The following CFAP299 variants were observed in gnomAD, a reference collection of about 807,000 sequenced individuals.
CFAP299 encodes cilia and flagella associated protein 299.
Under a neutral mutation model 27.0 loss-of-function variants are expected in CFAP299, and 21 were observed. The observed-to-expected ratio is 0.78, with a 90% CI of 0.55 to 1.12. CFAP299 has a LOEUF of 1.12. Among genes scored for constraint, CFAP299 ranks in the 50% most tolerant of loss-of-function variants. The pLI, the probability that CFAP299 is intolerant of heterozygous loss-of-function variation, is 0.00. For missense variants in CFAP299, 310 were observed against 276.6 expected (o/e 1.12, Z -0.86); for synonymous variants, 104 against 98.1 (o/e 1.06, Z -0.36).
chr4:80,933,263 A>G (rs528757998), intron 4 of CFAP299, among the ~76,000 whole-genome samples: 1 of 151,950 alleles, frequency 6.6e-6, no homozygotes, highest in Non-Finnish European at 1.5e-5. Flanking sequence ...TTAGATCACC[A>G]ATCACGTATT....
intron 3 of CFAP299, among the ~76,000 whole-genome samples, chr4:80,817,317 C>T (rs1022284089): frequency 1.5e-4 from 23 of 151,496 alleles, no homozygotes; most frequent in African/African-American, 4.1e-4. Flanking sequence ...ATATGAAAAC[C>T]GATAAATAAA....
intron 2 of CFAP299, among the ~76,000 whole-genome samples, chr4:80,537,402 A>G (rs1409733306): frequency 6.6e-6 from 1 of 152,202 alleles, no homozygotes; most frequent in Non-Finnish European, 1.5e-5. Context: ...CTACTGTAGC[A>G]TCATTCATAA....
chr4:80,779,092 CT>C, intron 3 of CFAP299, among the ~76,000 whole-genome samples: 1 of 152,090 alleles, frequency 6.6e-6, no homozygotes, highest in East Asian at 1.9e-4. Context: ...ACACCATTAT[CT>C]CCATTTTATA....
chr4:80,542,000 G>A (rs1578574091), intron 2 of CFAP299, among the ~76,000 whole-genome samples: 1 of 151,906 alleles, frequency 6.6e-6, no homozygotes, highest in East Asian at 1.9e-4. Flanking sequence ...AAGGACAGAA[G>A]GCATATTCAT....
chr4:80,408,836 G>T (rs74287318), intron 2 of CFAP299, among the ~76,000 whole-genome samples: 134 of 4,342 alleles, frequency 0.031, 1 homozygote, highest in Admixed American at 0.074. Context: ...ACTTTTGCTG[G>T]TTTTTTTTCC....
intron 3 of CFAP299, among the ~76,000 whole-genome samples, chr4:80,786,215 AT>A (rs1258798188): frequency 6.6e-6 from 1 of 152,060 alleles, no homozygotes; most frequent in Non-Finnish European, 1.5e-5. Context: ...ATTCCAGGAT[AT>A]TTTCTTGCCT....
chr4:80,692,676 C>A (rs1305177439), intron 3 of CFAP299, among the ~76,000 whole-genome samples: 13 of 152,046 alleles, frequency 8.6e-5, no homozygotes, highest in African/African-American at 1.4e-4. Context: ...CAATGGCAAC[C>A]AAAGACAAAA....
chr4:80,647,803 G>A lies in CFAP299; in HGVS notation c.333+64620G>A, dbSNP rs146448052. On this transcript the variant is annotated intron_variant, in intron 3 of 5. Coordinates refer to ENST00000358105, the MANE Select transcript of CFAP299 (RefSeq NM_152770.3). ...AAGAAATGTTTCTAGGCTGGGCACA[G>A]TGGCTCATGCCTGTACTCCCAGCAC... Among the ~76,000 whole-genome samples the A allele has an allele frequency of 3.1e-3, 469 of 152,362 alleles. 4 individuals carry two copies. Among genetic ancestry groups the A allele is most frequent in the African/African-American group, 0.011 (444 of 41,584 alleles).
In CFAP299 at chr4:80,782,708, A is replaced by G. The variant is rs560618772; in HGVS notation, c.334-87285A>G. Among the ~76,000 whole-genome samples, 727 of 128,572 alleles carry G rather than the reference A, an allele frequency of 5.7e-3. 19 individuals carry two copies. Among genetic ancestry groups the G allele is most frequent in the African/African-American group, 0.02 (663 of 32,352 alleles). 84.3% of individuals were successfully genotyped at this position (128,572 alleles called of 152,430 possible). ...TGAATATATAATATATTCATATATA[A>G]TATACATATATGAATATATAATATA... On this transcript the variant is annotated intron_variant, in intron 3 of 5. Coordinates refer to ENST00000358105, the MANE Select transcript of CFAP299 (RefSeq NM_152770.3).
chr4:80,715,175 T>C (rs1049053580), intron 3 of CFAP299, among the ~76,000 whole-genome samples: 1 of 152,110 alleles, frequency 6.6e-6, no homozygotes, highest in African/African-American at 2.4e-5. Flanking sequence ...TTGAAGATGT[T>C]CTGATCAATC....
At chr4:80,647,418 G>A (rs1285288955) in intron 3 of CFAP299, among the ~76,000 whole-genome samples, 1 of 152,070 alleles carries the variant, frequency 6.6e-6, no homozygotes, top group Non-Finnish European at 1.5e-5. Context: ...AGATTTCATA[G>A]GCATTTGTTT....
chr4:80,776,350 T>G (rs1560745807), intron 3 of CFAP299, among the ~76,000 whole-genome samples: 1 of 152,148 alleles, frequency 6.6e-6, no homozygotes, highest in Admixed American at 6.6e-5. Flanking sequence ...AAACTCGTGG[T>G]GCTTCTTAAC....
intron 3 of CFAP299, among the ~76,000 whole-genome samples, chr4:80,839,129 T>C (rs1367056299): frequency 6.6e-6 from 1 of 152,202 alleles, no homozygotes; most frequent in Admixed American, 6.6e-5. Flanking sequence ...AAAAGAATTG[T>C]GAACTGCTTG....
At chr4:80,434,184 ATTG>A (rs1447756987) in intron 2 of CFAP299, among the ~76,000 whole-genome samples, 1 of 152,212 alleles carries the variant, frequency 6.6e-6, no homozygotes, top group Non-Finnish European at 1.5e-5. Flanking sequence ...CTTAATTCTT[ATTG>A]TTGTTACAAA....
intron 2 of CFAP299, among the ~76,000 whole-genome samples, chr4:80,497,023 T>G (rs1731483563): frequency 6.6e-6 from 1 of 152,190 alleles, no homozygotes; most frequent in Admixed American, 6.5e-5. Context: ...ATGAGGTATC[T>G]GCTCCCATAA....
At chr4:80,807,674 G>C (rs1430031076) in intron 3 of CFAP299, among the ~76,000 whole-genome samples, 2 of 151,926 alleles carry the variant, frequency 1.3e-5, no homozygotes, top group Non-Finnish European at 1.5e-5. Flanking sequence ...GCTCTAACTG[G>C]TTTAAAAAGT....
intron 2 of CFAP299, among the ~76,000 whole-genome samples, chr4:80,579,397 T>C (rs893949856): frequency 1.3e-5 from 2 of 152,178 alleles, no homozygotes; most frequent in African/African-American, 2.4e-5. Context: ...GGCTGCTACA[T>C]GCCCAAGTGA....
chr4:80,409,914 T>C (rs758208620), intron 2 of CFAP299, among the ~76,000 whole-genome samples: 1 of 152,176 alleles, frequency 6.6e-6, no homozygotes, highest in Non-Finnish European at 1.5e-5. Context: ...TTATTTGGCA[T>C]TGTTTCTGTG....
chr4:80,438,185 G>A (rs532279856), intron 2 of CFAP299, among the ~76,000 whole-genome samples: 22 of 152,296 alleles, frequency 1.4e-4, no homozygotes, highest in African/African-American at 5.1e-4. Context: ...TGAGATTAGT[G>A]TGGGTTGCAA....
Sources: gnomAD v4.1 joint callset for allele counts (sites outside exome capture counted in the v4.1 genomes callset) on GRCh38, gnomAD v4.1.1 for gene constraint, MANE v1.5 for transcripts, NCBI Gene and HGNC (gene_info 2026-07-23, HGNC 2026-07-21) for gene names.